IGF1R: variants seen among roughly 807,000 people sequenced by gnomAD.
The protein encoded by IGF1R is insulin-like growth factor 1 receptor.
IGF1R carries 44 observed loss-of-function variants against 144.6 expected under a neutral mutation model. That is an observed-to-expected ratio of 0.30 (90% CI 0.24 to 0.39). The LOEUF is 0.39. Ranked by LOEUF, IGF1R falls within the 10% of genes least tolerant of loss-of-function variation. IGF1R has a pLI of 1.00. For missense variants in IGF1R, 1,355 were observed against 1,833.7 expected, an observed-to-expected ratio of 0.74 and a Z score of 4.77; for synonymous variants, 795 against 722.8, an observed-to-expected ratio of 1.10 and a Z score of -1.60.
chr15:98,693,477 C>T (rs1020357559), intron 1 of IGF1R, among the ~76,000 whole-genome samples: 28 of 152,206 alleles, frequency 1.8e-4, no homozygotes, highest in African/African-American at 4.6e-4. Context: ...ATGCAGAGGA[C>T]GCTGTAGACT....
At chr15:98,664,693 A>AT (rs1438398535) in intron 1 of IGF1R, among the ~76,000 whole-genome samples, 16 of 147,996 alleles carry the variant, frequency 1.1e-4, no homozygotes, top group African/African-American at 4.1e-4. Context: ...TCCATGTCAA[A>AT]AAAAAAAAAA....
intron 2 of IGF1R, among the ~76,000 whole-genome samples, chr15:98,795,836 T>C (rs1403101687): frequency 1.3e-5 from 2 of 152,190 alleles, no homozygotes; most frequent in Non-Finnish European, 2.9e-5. Context: ...ATGCCAGATA[T>C]TTGTGGGTGG....
intron 3 of IGF1R, among the ~76,000 whole-genome samples, chr15:98,894,220 G>A (rs2014065178): frequency 6.6e-6 from 1 of 152,174 alleles, no homozygotes; most frequent in African/African-American, 2.4e-5. Flanking sequence ...GATTACAGAT[G>A]TGAGCCACTG....
At chr15:98,810,866 G>A (rs1267004743) in intron 2 of IGF1R, among the ~76,000 whole-genome samples, 1 of 151,890 alleles carries the variant, frequency 6.6e-6, no homozygotes, top group Non-Finnish European at 1.5e-5. Flanking sequence ...ATTTTCTTAA[G>A]TGTAATTCAG....
intron 2 of IGF1R, among the ~76,000 whole-genome samples, chr15:98,814,542 C>G (rs766545467): frequency 1.4e-4 from 21 of 152,170 alleles, no homozygotes; most frequent in Non-Finnish European, 2.6e-4. Flanking sequence ...AGATGGGGGT[C>G]TCACCGTGTT....
chr15:98,658,544 TC>T (rs1295247327), intron 1 of IGF1R, among the ~76,000 whole-genome samples: 1 of 152,206 alleles, frequency 6.6e-6, no homozygotes, highest in African/African-American at 2.4e-5. Context: ...ATTTCCAAGT[TC>T]CAGGTGGATC....
Position 98,648,684 on chromosome 15 carries a change from G to A in IGF1R, c.-898G>A, listed in dbSNP as rs1467901350. 6.8e-6 allele frequency among the ~76,000 whole-genome samples: 1 copy of A among 147,056 alleles called. No homozygotes were observed. Among genetic ancestry groups the A allele is most frequent in the African/African-American group, 2.4e-5 (1 of 40,918 alleles). ...CTCGAGAGAGGCGGGAGAGCGAGAG[G>A]GACGCCGCCAGCGAGCCTGCCCACG... On this transcript the variant is annotated 5_prime_UTR_variant, in exon 1 of 21. Coordinates refer to ENST00000650285, the MANE Select transcript of IGF1R (RefSeq NM_000875.5).
intron 10 of IGF1R, among the ~76,000 whole-genome samples, chr15:98,919,878 G>C (rs867773926): frequency 7.9e-5 from 12 of 152,202 alleles, no homozygotes; most frequent in African/African-American, 2.7e-4. Context: ...AAATGGATTT[G>C]ATTTCTTTCA....
chr15:98,810,604 G>A (rs556984833), intron 2 of IGF1R, among the ~76,000 whole-genome samples: 13 of 149,406 alleles, frequency 8.7e-5, no homozygotes, highest in South Asian at 2.1e-4. Context: ...GCTGGAGTGC[G>A]GTGGCGCGAT....
intron 19 of IGF1R, among the ~76,000 whole-genome samples, chr15:98,945,746 C>T (rs1034124658): frequency 8.5e-5 from 13 of 152,090 alleles, no homozygotes; most frequent in Non-Finnish European, 1.6e-4. Context: ...TGAAATGGCT[C>T]CTGTGGCAAC....
At chr15:98,751,267 C>G (rs184255786) in intron 2 of IGF1R, among the ~76,000 whole-genome samples, 2 of 152,284 alleles carry the variant, frequency 1.3e-5, no homozygotes, top group African/African-American at 4.8e-5. Flanking sequence ...GTGGTACCAT[C>G]GTAACTCACT....
chr15:98,673,967 G>T (rs1028662654), intron 1 of IGF1R, among the ~76,000 whole-genome samples: 2 of 152,170 alleles, frequency 1.3e-5, no homozygotes, highest in African/African-American at 4.8e-5. Context: ...TGTTTCTCTT[G>T]TCTAGAGAAG....
intron 2 of IGF1R, among the ~76,000 whole-genome samples, chr15:98,768,548 G>T (rs772746606): frequency 6.6e-5 from 10 of 151,174 alleles, no homozygotes; most frequent in Admixed American, 2.6e-4. Flanking sequence ...CAGAGAGTTG[G>T]AGGTTGCAGG....
chr15:98,805,537 A>C (rs1469533417), intron 2 of IGF1R, among the ~76,000 whole-genome samples: 1 of 152,058 alleles, frequency 6.6e-6, no homozygotes, highest in Non-Finnish European at 1.5e-5. Context: ...AGAGCACCTG[A>C]GAGCACACTG....
intron 1 of IGF1R, among the ~76,000 whole-genome samples, chr15:98,679,275 G>A (rs2053127748): frequency 1.3e-5 from 2 of 152,172 alleles, no homozygotes; most frequent in Admixed American, 6.5e-5. Flanking sequence ...TTATAGCTCA[G>A]TTGTATGTAG....
At chr15:98,944,953 G>A (rs982711138) in intron 19 of IGF1R, among the ~76,000 whole-genome samples, 1 of 152,240 alleles carries the variant, frequency 6.6e-6, no homozygotes, top group Admixed American at 6.5e-5. Context: ...GATAAGATAG[G>A]TCTAGGAGTC....
intron 1 of IGF1R, among the ~76,000 whole-genome samples, chr15:98,684,952 T>A (rs1409522137): frequency 1.4e-4 from 12 of 88,218 alleles, no homozygotes; most frequent in Admixed American, 4.9e-4. Context: ...TTTTTTTTTT[T>A]AAATTTTTGA....
At chr15:98,694,213 C>T (rs571222143) in intron 1 of IGF1R, among the ~76,000 whole-genome samples, 8 of 152,150 alleles carry the variant, frequency 5.3e-5, no homozygotes, top group South Asian at 2.1e-4. Flanking sequence ...TAACAGAGTT[C>T]GTGCTGAAGC....
chr15:98,908,928 G>A (rs1033318230), intron 6 of IGF1R, 29 bp downstream of exon 6: 9 of 1,590,588 alleles, frequency 5.7e-6, no homozygotes, highest in Non-Finnish European at 6.9e-6. Flanking sequence ...AACACCGTGG[G>A]CCCAACCATC....
Sources: allele counts gnomAD v4.1 joint callset (sites outside exome capture counted in the v4.1 genomes callset), GRCh38; gene constraint gnomAD v4.1.1; transcripts MANE v1.5; gene names NCBI Gene and HGNC (gene_info 2026-07-23, HGNC 2026-07-21).